Variants in PTGR1 observed in about 807,000 individuals in gnomAD.
PTGR1 encodes the protein 15-oxoprostaglandin 13-reductase.
Under a neutral mutation model 37.7 loss-of-function variants are expected in PTGR1, and 23 were observed. The ratio of observed to expected loss-of-function variants is 0.61; its 90% CI spans 0.44 to 0.86. The LOEUF (loss-of-function observed/expected upper bound fraction) is 0.86. Ranked by LOEUF, PTGR1 falls within the 40% of genes least tolerant of loss-of-function variation. The pLI is 0.00. For synonymous variants in PTGR1, 134 were observed against 140.0 expected (o/e 0.96, Z 0.30); for missense variants, 351 against 394.3 (o/e 0.89, Z 0.93).
At chr9:111,575,755 A>G (rs571570431) in intron 7 of PTGR1, among the ~76,000 whole-genome samples, 1 of 152,354 alleles carries the variant, frequency 6.6e-6, no homozygotes, top group African/African-American at 2.4e-5. Context: ...CTTAAAATGC[A>G]TCGTAGACCT....
chr9:111,567,290 C>G (rs545474836), intron 9 of PTGR1, among the ~76,000 whole-genome samples: 1 of 152,050 alleles, frequency 6.6e-6, no homozygotes, highest in Non-Finnish European at 1.5e-5. Flanking sequence ...CAGGTTCAAG[C>G]GATTCTCCTG....
intron 9 of PTGR1, among the ~76,000 whole-genome samples, chr9:111,568,038 A>T (rs890710526): frequency 2.0e-5 from 3 of 152,216 alleles, no homozygotes; most frequent in Admixed American, 2.0e-4. Flanking sequence ...AATTGATTGT[A>T]AAACATGTAT....
At chr9:111,561,537 C>T (rs992519556), downstream of PTGR1, among the ~76,000 whole-genome samples, 10 of 152,184 alleles carry the variant, frequency 6.6e-5, no homozygotes, top group Admixed American at 6.5e-4. Flanking sequence ...GCTGGGATTA[C>T]AGGTGTGAGC....
chr9:111,574,861 C>T lies in PTGR1; in HGVS notation c.652-19G>A, dbSNP rs1055448009. ...CACCTACCTAAACAGATAGCAAAGA[C>T]AAAATGTTAAATAATCTAAATACTA... On this transcript the variant is annotated intron_variant, in intron 7 of 9. Transcript: ENST00000407693. 6.4e-7 allele frequency: 1 copy of T among 1,551,688 alleles called. No homozygotes were observed. Among genetic ancestry groups the T allele is most frequent in the Non-Finnish European group, 8.9e-7 (1 of 1,128,226 alleles).
chr9:111,595,619 T>G (rs1447963315), intron 2 of PTGR1, among the ~76,000 whole-genome samples: 1 of 152,156 alleles, frequency 6.6e-6, no homozygotes, highest in African/African-American at 2.4e-5. Context: ...TAAACACTCC[T>G]TAGAGACTCA....
rs1176631439 is a variant in PTGR1, at chr9:111,583,492, C to G, written c.475G>C (p.Gly159Arg). 2 of 1,612,766 alleles carry G rather than the reference C, an allele frequency of 1.2e-6. No homozygotes were observed. The highest frequency in any genetic ancestry group is 1.7e-6 in the Non-Finnish European group (2 of 1,178,900). ...AAAGAVGSVV[G>R]QIAKLKGCKV... ...CTTACCTTGAGCTTTGCAATCTGCC[C>G]CACGACTGAGCCCACAGCTCCAGCT... The change falls in exon 6 of 10, where the codon GGG becomes CGG. Residue 159 changes from glycine to arginine, a missense_variant. By Grantham distance (125) the Gly-to-Arg change is moderately radical (BLOSUM62 -2). Coordinates refer to ENST00000407693, the MANE Select transcript of PTGR1 (RefSeq NM_001146108.2).
At chr9:111,586,392 G>A (rs960642770) in intron 4 of PTGR1, among the ~76,000 whole-genome samples, 5 of 152,108 alleles carry the variant, frequency 3.3e-5, no homozygotes, top group African/African-American at 1.2e-4. Flanking sequence ...CATGGGGTGA[G>A]GAGCGCCTGT....
chr9:111,556,324 G>A (rs982062780), intron 9 of PTGR1, among the ~76,000 whole-genome samples: 1 of 152,254 alleles, frequency 6.6e-6, no homozygotes, highest in South Asian at 2.1e-4. Context: ...TTGAGTGCCT[G>A]TGACTTTTCC....
In PTGR1 at chr9:111,594,230, G is replaced by A. The variant is rs1049012541; in HGVS notation, c.144C>T (p.Pro48=). 6.2e-7 allele frequency: 1 copy of A among 1,613,202 alleles called. No homozygotes were observed. Among genetic ancestry groups the A allele is most frequent in the Non-Finnish European group, 8.5e-7 (1 of 1,179,248 alleles). The change falls in exon 3 of 10, where the codon CCC becomes CCT. Residue 48 remains proline, a synonymous_variant. Coordinates refer to ENST00000407693, the MANE Select transcript of PTGR1 (RefSeq NM_001146108.2). ...LLEALFLTVD[P]YMRVAAKRLK... ...GGCGAAATAAATAATACCTCATGTAGGGATCCACGGTGAGGAACAAAGCTT... is the reference window on the plus strand; with the variant it reads ...GGCGAAATAAATAATACCTCATGTAAGGATCCACGGTGAGGAACAAAGCTT...
chr9:111,592,616 G>A, intron 4 of PTGR1: 1 of 240,784 alleles, frequency 4.2e-6, no homozygotes, highest in Non-Finnish European at 7.9e-6. Flanking sequence ...AACAAAGAGA[G>A]AACCCTGTTG....
intron 6 of PTGR1, among the ~76,000 whole-genome samples, chr9:111,580,546 G>A (rs537481641): frequency 1.1e-4 from 16 of 151,998 alleles, no homozygotes; most frequent in African/African-American, 1.2e-4. Context: ...ACCGGAGGTC[G>A]GGAGTTCGAG....
At chr9:111,578,753 T>C (rs17320021) in intron 7 of PTGR1, 43 bp downstream of exon 7, 109,278 of 1,541,288 alleles carry the variant, frequency 0.071, 4,242 homozygotes, top group African/African-American at 0.1. Context: ...CTTTATATAG[T>C]ACTTCCATAA....
rs756903588 is a variant in PTGR1 at position 111,578,968 on chromosome 9, A to G, written c.496-17T>C. 2 of 1,571,016 alleles carry G rather than the reference A, an allele frequency of 1.3e-6. No individual in the cohort carries two copies. Among genetic ancestry groups the G allele is most frequent in the Admixed American group, 2.2e-5 (1 of 46,504 alleles). Reference sequence around the variant, plus strand: ...TTTGCAGCCCTAAGTAGAAAAAAAAAAAAAAAGGAAACCATGAATAAGTCA... The same window carrying G: ...TTTGCAGCCCTAAGTAGAAAAAAAAGAAAAAAGGAAACCATGAATAAGTCA... On this transcript the variant is annotated splice_polypyrimidine_tract_variant and intron_variant, in intron 6 of 9. Transcript: ENST00000407693.
At chr9:111,597,466 G>A in intron 1 of PTGR1, 34 bp from the exon 2 acceptor site, 1 of 1,339,812 alleles carries the variant, frequency 7.5e-7, no homozygotes, top group Non-Finnish European at 1.1e-6. Context: ...CAACTGCCAT[G>A]AAGTGACTGC....
chr9:111,575,514 A>T (rs1389642181), intron 7 of PTGR1: 2 of 152,254 alleles, frequency 1.3e-5, no homozygotes. Context: ...AAAACTTAAT[A>T]CAAAGCTAAA....
intron 7 of PTGR1, chr9:111,577,048 G>A (rs1162702431): frequency 1.3e-5 from 2 of 151,508 alleles, no homozygotes; most frequent in East Asian, 1.9e-4. Context: ...CCAAGATCGC[G>A]CCACTGCACT....
intron 9 of PTGR1, among the ~76,000 whole-genome samples, chr9:111,569,185 G>A (rs1828702246): frequency 1.3e-5 from 2 of 152,126 alleles, no homozygotes; most frequent in African/African-American, 4.8e-5. Context: ...GATAGAGATG[G>A]GAACTCCCAG....
intron 4 of PTGR1, 62 bp downstream of exon 4, chr9:111,592,864 A>G: frequency 6.3e-7 from 1 of 1,582,972 alleles, no homozygotes; most frequent in Non-Finnish European, 8.6e-7. Flanking sequence ...CAGAGACAGG[A>G]CCCAGCAGGA....
chr9:111,559,598 TCACA>T (rs1037774997), downstream of PTGR1, among the ~76,000 whole-genome samples: 3 of 149,934 alleles, frequency 2.0e-5, no homozygotes, highest in Admixed American at 6.6e-5. Context: ...ACACACACAC[TCACA>T]CACACACATA....
Sources: gnomAD v4.1 joint callset for allele counts (sites outside exome capture counted in the v4.1 genomes callset) on GRCh38, gnomAD v4.1.1 for gene constraint, MANE v1.5 for transcripts, NCBI Gene and HGNC (gene_info 2026-07-23, HGNC 2026-07-21) for gene names.